MREG: variants seen among roughly 807,000 people sequenced by gnomAD.
MREG encodes dilute suppressor protein homolog.
MREG carries 31 observed loss-of-function variants against 28.5 expected under a neutral mutation model. The ratio of observed to expected loss-of-function variants is 1.09; its 90% confidence interval spans 0.82 to 1.47. The LOEUF is 1.47. MREG is among the 40% of genes most tolerant of loss of function. The pLI is 0.00. For missense variants in MREG, 256 were observed against 257.4 expected (o/e 0.99, Z 0.04); for synonymous variants, 106 against 95.2 (o/e 1.11, Z -0.66).
Position 215,944,439 on chromosome 2 carries a change from T to C in MREG, c.*424A>G, listed in dbSNP as rs1692268242. The C allele has an allele frequency of 1.3e-5, 2 of 154,244 alleles. No individual in the cohort carries two copies. The highest frequency in any genetic ancestry group is 2.0e-4 in the South Asian group (1 of 4,926). The allele number at this position is 154,244 out of a possible 1,614,324, so 9.6% of individuals were successfully genotyped here. A position where few individuals can be genotyped will look rare whatever the true frequency, so the allele number is the denominator to read the frequency against. ...TTTGGGGTTAGCATACATTTTATAA[T>C]AATTATTTTAAAACTGGCAATCCAT... is the stretch of plus-strand genomic sequence containing the variant. On this transcript the variant is annotated 3_prime_UTR_variant, in exon 5 of 5. Transcript: ENST00000263268.
intron 2 of MREG, among the ~76,000 whole-genome samples, chr2:215,970,002 T>G (rs1693045178): frequency 6.6e-6 from 1 of 152,246 alleles, no homozygotes; most frequent in Non-Finnish European, 1.5e-5. Flanking sequence ...CCTACATTTT[T>G]TATTTTATCA....
intron 2 of MREG, among the ~76,000 whole-genome samples, chr2:215,954,161 T>TTACATTAGG (rs1273279749): frequency 6.6e-6 from 1 of 152,198 alleles, no homozygotes. Context: ...TTACATCTAA[T>TTACATTAGG]TGGCTAATTT....
Position 215,942,648 on chromosome 2 carries a change from T to C in MREG, c.*2215A>G, listed in dbSNP as rs896279957. On this transcript the variant is annotated 3_prime_UTR_variant, in exon 5 of 5. Coordinates refer to ENST00000263268, the MANE Select transcript of MREG (RefSeq NM_018000.3). ...AAAATTTCCTGGATAATTCCATGTA[T>C]TTTAATAATCACAGAGATAGTCCTA... 2.6e-5 allele frequency among the ~76,000 whole-genome samples: 4 copies of C among 152,256 alleles called. No individual in the cohort carries two copies. Among genetic ancestry groups the C allele is most frequent in the African/African-American group, 4.8e-5 (2 of 41,464 alleles).
intron 2 of MREG, among the ~76,000 whole-genome samples, chr2:215,964,032 T>C (rs191692998): frequency 1.3e-5 from 2 of 152,252 alleles, no homozygotes; most frequent in East Asian, 3.9e-4. Flanking sequence ...CTTAGACACG[T>C]CTCATTACTT....
rs1692239835 is a variant in MREG, at chr2:215,943,710, A to G, written c.*1153T>C. ...CAAAAAATTAGCCAGGTGTGGTGGC[A>G]CGCGCCTGTAGTTCCAGCTACTCCA... is the stretch of plus-strand genomic sequence containing the variant. On this transcript the variant is annotated 3_prime_UTR_variant, in exon 5 of 5. Coordinates refer to ENST00000263268, the MANE Select transcript of MREG (RefSeq NM_018000.3). The G allele has an allele frequency of 3.0e-6, 1 of 338,866 alleles. No individual in the cohort carries two copies. The highest frequency in any genetic ancestry group is 2.3e-5 in the South Asian group (1 of 43,422). 21.0% of individuals were successfully genotyped at this position (338,866 alleles called of 1,614,324 possible).
chr2:215,955,340 T>C (rs1395528459), intron 2 of MREG, among the ~76,000 whole-genome samples: 1 of 152,202 alleles, frequency 6.6e-6, no homozygotes, highest in African/African-American at 2.4e-5. Context: ...TTCCTTAAGA[T>C]TTTTCGCTTC....
chr2:215,994,391 G>A (rs557897787), intron 2 of MREG, among the ~76,000 whole-genome samples: 1,906 of 151,578 alleles, frequency 0.013, 25 homozygotes, highest in Non-Finnish European at 0.02. Context: ...GGAGGGGAAC[G>A]TCACACACTT....
At chr2:216,013,148 TCA>T in intron 1 of MREG, 83 bp downstream of exon 1, 1 of 1,230,528 alleles carries the variant, frequency 8.1e-7, no homozygotes, top group East Asian at 2.8e-5. Context: ...CCTCCCCAAC[TCA>T]CACAAGCACA....
chr2:215,992,983 T>C (rs34664891), intron 2 of MREG, among the ~76,000 whole-genome samples: 26,259 of 152,138 alleles, frequency 0.17, 2,534 homozygotes, highest in East Asian at 0.41. Flanking sequence ...AAAATGGCCA[T>C]ACTGCCCAAA....
At chr2:215,968,365 G>T (rs1693001699) in intron 2 of MREG, among the ~76,000 whole-genome samples, 1 of 152,164 alleles carries the variant, frequency 6.6e-6, no homozygotes, top group African/African-American at 2.4e-5. Flanking sequence ...GCAGGATAGT[G>T]ATTTTTTCAA....
intron 2 of MREG, among the ~76,000 whole-genome samples, chr2:215,991,211 CA>C (rs1693712035): frequency 6.6e-6 from 1 of 152,152 alleles, no homozygotes; most frequent in Admixed American, 6.5e-5. Context: ...ACAGTGCAAT[CA>C]AATTAGAACT....
intron 2 of MREG, among the ~76,000 whole-genome samples, chr2:215,974,848 A>ACT (rs1165609912): frequency 7.3e-5 from 10 of 136,534 alleles, no homozygotes; most frequent in African/African-American, 2.2e-4. Flanking sequence ...ACACACACAC[A>ACT]CACACTCTCT....
Position 215,944,745 on chromosome 2 carries a change from T to C in MREG, c.*118A>G, listed in dbSNP as rs757134331. The C allele has an allele frequency of 3.5e-5, 37 of 1,049,144 alleles. No homozygotes were observed. The highest frequency in any genetic ancestry group is 4.4e-5 in the Non-Finnish European group (33 of 752,834). The allele number at this position is 1,049,144 out of a possible 1,614,324, so 65.0% of individuals were successfully genotyped here. A position where few individuals can be genotyped will look rare whatever the true frequency, so the allele number is the denominator to read the frequency against. On this transcript the variant is annotated 3_prime_UTR_variant, in exon 5 of 5. Coordinates refer to ENST00000263268, the MANE Select transcript of MREG (RefSeq NM_018000.3). ...GACTTTACATTTATGTAGAATTCAG[T>C]ATCATTTTTCACTAAGCAAACTCTA...
chr2:216,033,567 C>T (rs567620973), upstream of MREG: 1 of 152,400 alleles, frequency 6.6e-6, no homozygotes, highest in South Asian at 2.1e-4. Context: ...TCAGTAACCT[C>T]AGCAAAGGGT....
At chr2:215,987,031 G>A (rs1395199532) in intron 2 of MREG, among the ~76,000 whole-genome samples, 5 of 152,086 alleles carry the variant, frequency 3.3e-5, no homozygotes, top group East Asian at 3.8e-4. Flanking sequence ...ATAAATCAAC[G>A]TAAATATCAA....
rs58937716 is a variant in MREG, at chr2:215,975,008, TTA to T, written c.255+21296_255+21297del. On this transcript the variant is annotated intron_variant, in intron 2 of 4. Transcript: ENST00000263268. ...GGGAGAGAATTTTATTTTATATGAA[TTA>T]TATATATATATATATATGAAATAAT... Among the ~76,000 whole-genome samples the T allele has an allele frequency of 1.0e-3, 107 of 106,608 alleles. 3 individuals carry two copies. Among genetic ancestry groups the T allele is most frequent in the Middle Eastern group, 9.7e-3 (2 of 206 alleles). 69.9% of individuals were successfully genotyped at this position (106,608 alleles called of 152,430 possible). A position where few individuals can be genotyped will look rare whatever the true frequency, so the allele number is the denominator to read the frequency against.
intron 2 of MREG, among the ~76,000 whole-genome samples, chr2:215,966,852 G>C (rs576554573): frequency 6.6e-6 from 1 of 152,000 alleles, no homozygotes; most frequent in Non-Finnish European, 1.5e-5. Context: ...CTACCACCTT[G>C]GCCTCCCAAA....
At chr2:215,973,285 AACGGCTC>A (rs1693153449) in intron 2 of MREG, among the ~76,000 whole-genome samples, 1 of 152,240 alleles carries the variant, frequency 6.6e-6, no homozygotes, top group Admixed American at 6.5e-5. Context: ...GCAAAGAGAT[AACGGCTC>A]AAGAGCATGT....
At chr2:215,971,051 C>A (rs1693077631) in intron 2 of MREG, among the ~76,000 whole-genome samples, 1 of 151,624 alleles carries the variant, frequency 6.6e-6, no homozygotes, top group Admixed American at 6.6e-5. Flanking sequence ...AAACCAAACA[C>A]CACATGTTCT....
Sources: gnomAD v4.1 joint callset for allele counts (sites outside exome capture counted in the v4.1 genomes callset) on GRCh38, gnomAD v4.1.1 for gene constraint, MANE v1.5 for transcripts, NCBI Gene and HGNC (gene_info 2026-07-23, HGNC 2026-07-21) for gene names.